TNFAIP8: variants seen among roughly 807,000 people sequenced by gnomAD.
TNFAIP8 encodes the protein TNF alpha induced protein 8.
A neutral mutation model predicts 13.3 loss-of-function variants in TNFAIP8; 7 were observed. That is an observed-to-expected ratio of 0.52 (90% CI 0.30 to 0.99). The LOEUF (loss-of-function observed/expected upper bound fraction) is 0.99, where lower values mean the gene tolerates loss of function less well. Among genes scored for constraint, TNFAIP8 ranks in the 50% least tolerant of loss-of-function variants. The probability of loss-of-function intolerance (pLI) is 0.07; values close to 1 mark genes in which losing one functional copy is unlikely to be tolerated. For synonymous variants in TNFAIP8, 94 were observed against 87.6 expected (o/e 1.07, Z -0.41); for missense variants, 258 against 236.9 (o/e 1.09, Z -0.58).
At chr5:119,310,589 C>A (rs896426624) in intron 1 of TNFAIP8, among the ~76,000 whole-genome samples, 1 of 152,260 alleles carries the variant, frequency 6.6e-6, no homozygotes, top group Admixed American at 6.5e-5. Flanking sequence ...AATCCCAGCA[C>A]TTTGGGAGGC....
intron 1 of TNFAIP8, among the ~76,000 whole-genome samples, chr5:119,358,269 C>T (rs1389770408): frequency 6.6e-6 from 1 of 152,130 alleles, no homozygotes; most frequent in Non-Finnish European, 1.5e-5. Flanking sequence ...TAGTGAGAGA[C>T]TAGTATACTT....
chr5:119,295,177 CTAACGTTTAGTCTAACGTTAGACCTAT>C (rs1749129786), intron 1 of TNFAIP8, among the ~76,000 whole-genome samples: 1 of 35,716 alleles, frequency 2.8e-5, no homozygotes. Context: ...GGTTTTAGGT[CTAACGTTTAGTCTAACGTTAGACCTAT>C]AGGTCTAACG....
chr5:119,391,295 T>A, intron 1 of TNFAIP8: 2 of 684,414 alleles, frequency 2.9e-6, no homozygotes. Flanking sequence ...ATGCCTTGAC[T>A]CATTTGTATG....
At chr5:119,351,796 C>CTTTTTTTTT (rs59878292), upstream of TNFAIP8, among the ~76,000 whole-genome samples, 1 of 127,726 alleles carries the variant, frequency 7.8e-6, no homozygotes, top group Non-Finnish European at 1.7e-5. Flanking sequence ...TTCTTTTTTT[C>CTTTTTTTTT]TTTTTTTTTT....
intron 1 of TNFAIP8, among the ~76,000 whole-genome samples, chr5:119,285,319 A>C (rs998419800): frequency 6.6e-5 from 10 of 152,158 alleles, no homozygotes; most frequent in Non-Finnish European, 1.5e-4. Flanking sequence ...TGTCACATGT[A>C]CTTTTCATTC....
At chr5:119,293,894 G>T (rs1452507222) in intron 1 of TNFAIP8, among the ~76,000 whole-genome samples, 3 of 152,282 alleles carry the variant, frequency 2.0e-5, no homozygotes, top group Middle Eastern at 3.4e-3. Context: ...GCATGTTATT[G>T]TATGGATGTC....
chr5:119,361,090 T>G (rs986610379), intron 1 of TNFAIP8, among the ~76,000 whole-genome samples: 7 of 151,966 alleles, frequency 4.6e-5, no homozygotes, highest in Non-Finnish European at 8.8e-5. Context: ...GGGAAGGGAG[T>G]CAGCATTCTG....
intron 1 of TNFAIP8, among the ~76,000 whole-genome samples, chr5:119,292,090 G>GAGTTCCCC (rs1749005873): frequency 6.6e-6 from 1 of 152,156 alleles, no homozygotes; most frequent in Non-Finnish European, 1.5e-5. Flanking sequence ...TCAGAAATGA[G>GAGTTCCCC]AGTTCCCCAG....
chr5:119,272,939 A>T (rs1314998984), intron 1 of TNFAIP8, among the ~76,000 whole-genome samples: 1 of 152,224 alleles, frequency 6.6e-6, no homozygotes, highest in African/African-American at 2.4e-5. Context: ...TGGTCACAGG[A>T]TTGAGACTCC....
In TNFAIP8 at chr5:119,383,072, T is replaced by C. The variant is rs77306712; in HGVS notation, c.32-9744T>C. Among the ~76,000 whole-genome samples the C allele has an allele frequency of 7.3e-3, 1,112 of 152,362 alleles. 1 individual carries two copies. Among genetic ancestry groups the C allele is most frequent in the Non-Finnish European group, 0.01 (714 of 68,038 alleles). On this transcript the variant is annotated intron_variant, in intron 1 of 1. Coordinates refer to ENST00000504771, the MANE Select transcript of TNFAIP8 (RefSeq NM_014350.4). ...CCAAAGGGGACCTTTGTGTACACTG[T>C]TTCCCAAACTTATTTAACTAGAGAT...
At chr5:119,356,609 T>C (rs903330042) in intron 1 of TNFAIP8, among the ~76,000 whole-genome samples, 2 of 151,770 alleles carry the variant, frequency 1.3e-5, no homozygotes, top group Admixed American at 6.6e-5. Flanking sequence ...AATAGATTAA[T>C]TTTTTTTCAT....
intron 1 of TNFAIP8, among the ~76,000 whole-genome samples, chr5:119,386,675 G>T (rs1298040305): frequency 6.6e-6 from 1 of 152,162 alleles, no homozygotes; most frequent in Non-Finnish European, 1.5e-5. Flanking sequence ...CTGTAATGGT[G>T]CCTGTCACTG....
At chr5:119,358,673 G>T (rs891265187) in intron 1 of TNFAIP8, among the ~76,000 whole-genome samples, 2 of 152,198 alleles carry the variant, frequency 1.3e-5, no homozygotes, top group Non-Finnish European at 2.9e-5. Context: ...GCTTCCTGAG[G>T]AGATAGGCTG....
In TNFAIP8 at chr5:119,296,295, G is replaced by A. The variant is rs544912613; in HGVS notation, c.1+27388G>A. ...AGATAGCTCTTATTATTTGAGTTAC[G>A]TCCCATCAATACCTAATTTATTGAG... is the stretch of plus-strand genomic sequence containing the variant. On this transcript the variant is annotated intron_variant, in intron 1 of 1. Transcript: ENST00000274456. 3.9e-5 allele frequency among the ~76,000 whole-genome samples: 6 copies of A among 152,020 alleles called. No homozygotes were observed. In the East Asian group the frequency reaches 5.8e-4, roughly 15 times the overall value.
chr5:119,319,206 C>A (rs1749983252), intron 1 of TNFAIP8, among the ~76,000 whole-genome samples: 10 of 152,178 alleles, frequency 6.6e-5, no homozygotes, highest in Admixed American at 6.5e-4. Context: ...CCCAGGAGTT[C>A]AAGGCTGCAG....
intron 1 of TNFAIP8, among the ~76,000 whole-genome samples, chr5:119,339,069 A>G (rs935928555): frequency 2.6e-5 from 4 of 151,662 alleles, no homozygotes; most frequent in African/African-American, 4.8e-5. Context: ...AAAAGGCCCC[A>G]TTTTCTGCCT....
intron 1 of TNFAIP8, among the ~76,000 whole-genome samples, chr5:119,331,215 A>G (rs1750367510): frequency 6.6e-6 from 1 of 151,706 alleles, no homozygotes; most frequent in South Asian, 2.1e-4. Flanking sequence ...GCATAGTCAT[A>G]TCTACAAAGA....
At chr5:119,387,657 G>C (rs1287244549) in intron 1 of TNFAIP8, among the ~76,000 whole-genome samples, 1 of 152,104 alleles carries the variant, frequency 6.6e-6, no homozygotes, top group African/African-American at 2.4e-5. Flanking sequence ...ATTTGGGTCA[G>C]TATATTTTAA....
intron 1 of TNFAIP8, among the ~76,000 whole-genome samples, chr5:119,371,081 G>T (rs113498403): frequency 1.1e-4 from 16 of 152,074 alleles, no homozygotes; most frequent in Admixed American, 5.9e-4. Flanking sequence ...GTTTAAACAT[G>T]GTTTCTAAAT....
Sources: gnomAD v4.1 joint callset for allele counts (sites outside exome capture counted in the v4.1 genomes callset) on GRCh38, gnomAD v4.1.1 for gene constraint, MANE v1.5 for transcripts, NCBI Gene and HGNC (gene_info 2026-07-23, HGNC 2026-07-21) for gene names.